MPP1: variants seen among roughly 807,000 people sequenced by gnomAD.
MPP1 encodes the protein 55 kDa erythrocyte membrane protein.
A neutral mutation model predicts 38.2 loss-of-function variants in MPP1; 6 were observed. The ratio of observed to expected loss-of-function variants is 0.16; its 90% confidence interval spans 0.09 to 0.31. The LOEUF (loss-of-function observed/expected upper bound fraction) is 0.31, where lower values mean the gene tolerates loss of function less well. Among genes scored for constraint, MPP1 ranks in the 10% least tolerant of loss-of-function variants. The probability of loss-of-function intolerance (pLI) is 1.00; values close to 1 mark genes in which losing one functional copy is unlikely to be tolerated. For missense variants in MPP1, 293 were observed against 368.9 expected (o/e 0.79, Z 1.69); for synonymous variants, 153 against 146.3 (o/e 1.05, Z -0.33).
chrX:154,799,889 G>A (rs921983688), intron 1 of MPP1: 1 of 1,142,409 alleles, frequency 8.8e-7, no homozygotes, highest in Non-Finnish European at 1.2e-6. Flanking sequence ...GTTGCTCAAA[G>A]GAAGCTGGAA....
chrX:154,780,102 G>A (rs782788201), intron 11 of MPP1, among the ~76,000 whole-genome samples: 1 of 112,780 alleles, frequency 8.9e-6, no homozygotes, highest in Admixed American at 9.3e-5. Flanking sequence ...CTTGAGCACA[G>A]GAGTTCAAGA....
chrX:154,792,459 T>G, intron 1 of MPP1, 174 bp from the exon 2 acceptor site: 1 of 533,207 alleles, frequency 1.9e-6, no homozygotes, highest in Non-Finnish European at 2.9e-6. Context: ...TCCAACTTAA[T>G]AGACATGTCA....
At chrX:154,784,864 C>G (rs1557267024) in intron 7 of MPP1, 187 bp downstream of exon 7, 1 of 499,657 alleles carries the variant, frequency 2.0e-6, no homozygotes, top group East Asian at 3.8e-5. Context: ...TTTACATCCA[C>G]TGGCCTGACT....
In MPP1 at chrX:154,781,801, A is replaced by G; in HGVS notation, c.948T>C (p.Tyr316=). Residue 316 remains tyrosine, a splice_region_variant and synonymous_variant, in exon 10 of 12, where the codon TAT becomes TAC. Transcript: ENST00000369534. ...NPEKFVYPVP[Y]TTRPPRKSEE... ...CACTCTTCCTTGGCGGCCGTGTTGTATCTGTGTACAAGAACCCAAATCCCC... is the reference window on the plus strand; with the variant it reads ...CACTCTTCCTTGGCGGCCGTGTTGTGTCTGTGTACAAGAACCCAAATCCCC... 1 of 1,209,556 alleles carries G rather than the reference A, an allele frequency of 8.3e-7. No individual in the cohort carries two copies. The highest frequency in any genetic ancestry group is 1.1e-6 in the Non-Finnish European group (1 of 893,837).
intron 5 of MPP1, among the ~76,000 whole-genome samples, chrX:154,788,399 AAGG>A (rs2072104190): frequency 1.8e-5 from 2 of 111,960 alleles, no homozygotes; most frequent in South Asian, 7.4e-4. Context: ...AACATATAAA[AAGG>A]AGTTTACCCT....
At chrX:154,792,657 A>G (rs1344398959) in intron 1 of MPP1, among the ~76,000 whole-genome samples, 1 of 111,190 alleles carries the variant, frequency 9.0e-6, no homozygotes, top group Non-Finnish European at 1.9e-5. Flanking sequence ...TAACAAAATT[A>G]GAAAGATTCT....
chrX:154,786,704 T>A (rs1557267231), intron 5 of MPP1, among the ~76,000 whole-genome samples: 1 of 109,590 alleles, frequency 9.1e-6, no homozygotes, highest in South Asian at 3.9e-4. Flanking sequence ...GAGACCAGCC[T>A]GGCTAACATG....
At position 154,779,411 on chromosome X, in the gene MPP1, C is replaced by T. The variant is rs191616376; in HGVS notation, c.1225-58G>A. 16 of 1,082,535 alleles carry T rather than the reference C, an allele frequency of 1.5e-5. No homozygotes were observed. In the African/African-American group the frequency reaches 2.0e-4, roughly 14 times the overall value. 89.2% of individuals were successfully genotyped at this position (1,082,535 alleles called of 1,213,427 possible). ...TGCACCACCCCCAGCCCAGAGAGGC[C>T]AGTGACAGATTTTAAACAGCAATTG... On this transcript the variant is annotated intron_variant, in intron 11 of 11. Transcript: ENST00000369534.
chrX:154,798,744 A>AT (rs1448910174), intron 1 of MPP1, among the ~76,000 whole-genome samples: 8 of 110,511 alleles, frequency 7.2e-5, no homozygotes, highest in African/African-American at 2.6e-4. Context: ...TATTTATTTT[A>AT]TTTTTTTGAG....
intron 4 of MPP1, 86 bp from the exon 5 acceptor site, chrX:154,790,108 C>G (rs1251423466): frequency 1.8e-6 from 1 of 554,756 alleles, no homozygotes; most frequent in Non-Finnish European, 2.9e-6. Flanking sequence ...TTTTTTTCCC[C>G]AACAACCATC....
In MPP1 at chrX:154,785,091, C is replaced by G. The variant is rs782265055; in HGVS notation, c.744G>C (p.Lys248Asn). The stretch of plus-strand genomic sequence containing the variant: ...CCAGATATTTGTCTTTGTACTTCTT[C>G]TTCTTCCCAAAGGGACTGCAGCTCG... Reference protein sequence around the residue: ...EAPSCSPFGKKKKYKDKYLAK... With the variant: ...EAPSCSPFGKNKKYKDKYLAK... Residue 248 changes from lysine to asparagine, a missense_variant, in exon 7 of 12, where the codon AAG (lysine) becomes AAC (asparagine). Transcript: ENST00000369534. 8.3e-7 allele frequency: 1 copy of G among 1,211,331 alleles called. No individual in the cohort carries two copies. Among genetic ancestry groups the G allele is most frequent in the South Asian group, 1.8e-5 (1 of 56,921 alleles).
Position 154,805,412 on chromosome X carries a change from G to C in MPP1, c.-39C>G, listed in dbSNP as rs782485072. The C allele has an allele frequency of 2.6e-6, 3 of 1,140,375 alleles. No individual in the cohort carries two copies. The South Asian group carries it at 5.8e-5, about 22-fold the overall frequency. The allele number at this position is 1,140,375 out of a possible 1,213,427, so 94.0% of individuals were successfully genotyped here. ...GAACACTGGAACGCAAGACAGGGCA[G>C]CGCTGGGAATGACAGGGCCCGGGGC... On this transcript the variant is annotated 5_prime_UTR_variant, in exon 1 of 12. Transcript: ENST00000369534.
rs1458503125 is a variant in MPP1, at chrX:154,791,482, G to T, written c.325+287C>A. On this transcript the variant is annotated intron_variant, in intron 3 of 11. Transcript: ENST00000369534. ...TGTCCTTTCCAAGTCTAATGCAATG[G>T]GTGGCATGTGGCAATTGCTCAAATA... 17 of 332,599 alleles carry T rather than the reference G, an allele frequency of 5.1e-5. No individual in the cohort carries two copies. In the Admixed American group the frequency reaches 8.7e-4, roughly 17 times the overall value. The allele number at this position is 332,599 out of a possible 1,213,427, so 27.4% of individuals were successfully genotyped here. A position where few individuals can be genotyped will look rare whatever the true frequency, so the allele number is the denominator to read the frequency against.
Position 154,791,750 on chromosome X carries a change from C to T in MPP1, c.325+19G>A. 8.4e-7 allele frequency: 1 copy of T among 1,191,374 alleles called. No homozygotes were observed. The highest frequency in any genetic ancestry group is 1.1e-6 in the Non-Finnish European group (1 of 877,485). On this transcript the variant is annotated intron_variant, in intron 3 of 11. Transcript: ENST00000369534. ...ATTAATCCCTGAATCAAACCCCACC[C>T]AGAGCTCCCACAGAGTACCTTGTCT...
intron 1 of MPP1, chrX:154,799,861 G>T: frequency 8.7e-7 from 1 of 1,148,435 alleles, no homozygotes; most frequent in Non-Finnish European, 1.2e-6. Flanking sequence ...CTGCAGCAGG[G>T]TTCAAAGGGC....
chrX:154,797,626 G>C (rs903363949), intron 1 of MPP1, among the ~76,000 whole-genome samples: 13 of 111,948 alleles, frequency 1.2e-4, no homozygotes, highest in African/African-American at 4.2e-4. Flanking sequence ...TTCTAAAATG[G>C]ATATGGACTT....
intron 11 of MPP1, among the ~76,000 whole-genome samples, chrX:154,781,021 TTTG>T (rs782304643): frequency 1.7e-4 from 19 of 111,795 alleles, no homozygotes; most frequent in African/African-American, 6.2e-4. Context: ...CTGGGTCTGG[TTTG>T]TTTTGTCCCT....
chrX:154,792,676 C>T (rs1295409128), intron 1 of MPP1, among the ~76,000 whole-genome samples: 3 of 110,886 alleles, frequency 2.7e-5, no homozygotes, highest in Non-Finnish European at 3.8e-5. Flanking sequence ...CTGAATCCTG[C>T]GGCACCTCAG....
chrX:154,781,335 G>T, intron 10 of MPP1, 22 bp from the exon 11 acceptor site: 1 of 1,033,869 alleles, frequency 9.7e-7, no homozygotes, highest in Non-Finnish European at 1.3e-6. Flanking sequence ...AAAGAAGGGC[G>T]GCGGGGAGGG....
Sources: gnomAD v4.1 joint callset for allele counts (sites outside exome capture counted in the v4.1 genomes callset) on GRCh38, gnomAD v4.1.1 for gene constraint, MANE v1.5 for transcripts, NCBI Gene and HGNC (gene_info 2026-07-23, HGNC 2026-07-21) for gene names.